The following CADM2 variants were observed in gnomAD, a reference collection of about 807,000 sequenced individuals.
CADM2 encodes immunoglobulin superfamily member 4D.
A neutral mutation model predicts 49.8 loss-of-function variants in CADM2; 12 were observed. The observed-to-expected ratio is 0.24, with a 90% CI of 0.15 to 0.39. CADM2 has a LOEUF of 0.39. Among genes scored for constraint, CADM2 ranks in the 10% least tolerant of loss-of-function variants. The pLI is 1.00. For missense variants in CADM2, 378 were observed against 492.3 expected, an observed-to-expected ratio of 0.77 and a Z score of 2.20; for synonymous variants, 214 against 175.4, an observed-to-expected ratio of 1.22 and a Z score of -1.74.
chr3:85,153,357 C>T (rs529394272), intron 1 of CADM2, among the ~76,000 whole-genome samples: 73 of 152,258 alleles, frequency 4.8e-4, no homozygotes, highest in African/African-American at 1.6e-3. Flanking sequence ...CACTGCCACC[C>T]GAATACTGCA....
At chr3:85,627,494 A>T (rs1170129211) in intron 1 of CADM2, among the ~76,000 whole-genome samples, 3 of 152,036 alleles carry the variant, frequency 2.0e-5, no homozygotes, top group Non-Finnish European at 4.4e-5. Flanking sequence ...TTAGATATTT[A>T]TATAAGGAAA....
chr3:85,768,258 G>T (rs991976235), intron 2 of CADM2, among the ~76,000 whole-genome samples: 6 of 151,750 alleles, frequency 4.0e-5, no homozygotes, highest in Non-Finnish European at 5.9e-5. Flanking sequence ...ACCAGCCTGG[G>T]CAACACAGTG....
intron 1 of CADM2, among the ~76,000 whole-genome samples, chr3:85,185,780 T>C (rs2041046702): frequency 6.6e-6 from 1 of 152,132 alleles, no homozygotes; most frequent in Non-Finnish European, 1.5e-5. Context: ...AAAATAAAAG[T>C]CTTTAATAAA....
intron 1 of CADM2, among the ~76,000 whole-genome samples, chr3:85,388,770 C>T (rs1350954177): frequency 6.6e-6 from 1 of 151,870 alleles, no homozygotes. Context: ...TGACAACCTA[C>T]CCACCTCCAC....
chr3:85,332,829 G>A (rs2044966887), intron 1 of CADM2, among the ~76,000 whole-genome samples: 1 of 150,316 alleles, frequency 6.7e-6, no homozygotes, highest in African/African-American at 2.5e-5. Context: ...TCAAAAATCT[G>A]TGAACAAGGC....
At chr3:85,234,965 T>C (rs1341279316) in intron 1 of CADM2, among the ~76,000 whole-genome samples, 1 of 151,942 alleles carries the variant, frequency 6.6e-6, no homozygotes, top group Non-Finnish European at 1.5e-5. Context: ...GGTGTGGTGG[T>C]CATGTTGGCA....
chr3:85,958,860 G>T (rs1724418627), intron 7 of CADM2, among the ~76,000 whole-genome samples: 2 of 151,724 alleles, frequency 1.3e-5, no homozygotes, highest in Non-Finnish European at 2.9e-5. Context: ...AGAACACATG[G>T]ACACAGGAAG....
At chr3:85,699,169 T>A (rs1037737800) in intron 1 of CADM2, among the ~76,000 whole-genome samples, 7 of 152,216 alleles carry the variant, frequency 4.6e-5, no homozygotes, top group Non-Finnish European at 8.8e-5. Flanking sequence ...GTGCAAGGGA[T>A]GGGCTCCCAA....
intron 1 of CADM2, among the ~76,000 whole-genome samples, chr3:85,107,608 T>C (rs1419777811): frequency 6.8e-6 from 1 of 147,978 alleles, no homozygotes; most frequent in East Asian, 1.9e-4. Context: ...TTTCTCTTTC[T>C]TTTTCTTTCT....
chr3:85,788,539 T>A (rs561598346), intron 2 of CADM2, among the ~76,000 whole-genome samples: 2 of 152,066 alleles, frequency 1.3e-5, no homozygotes, highest in Non-Finnish European at 2.9e-5. Context: ...ATTTAGATAA[T>A]AATCAATATA....
chr3:85,939,646 A>G (rs1267759008), intron 7 of CADM2, among the ~76,000 whole-genome samples: 1 of 151,740 alleles, frequency 6.6e-6, no homozygotes, highest in Non-Finnish European at 1.5e-5. Context: ...GTGATGCGAC[A>G]TTTTCAGTGA....
chr3:85,956,875 T>C (rs1724127880), intron 7 of CADM2, among the ~76,000 whole-genome samples: 2 of 151,624 alleles, frequency 1.3e-5, no homozygotes, highest in South Asian at 2.1e-4. Flanking sequence ...ATTTTGAGTA[T>C]ACGGAAGTGT....
intron 8 of CADM2, among the ~76,000 whole-genome samples, chr3:86,010,115 ACAGT>A (rs1323139187): frequency 2.6e-5 from 4 of 152,006 alleles, no homozygotes; most frequent in Non-Finnish European, 5.9e-5. Context: ...CATATTGATG[ACAGT>A]ATGAATTACA....
chr3:85,997,484 A>T (rs945851808), intron 8 of CADM2, among the ~76,000 whole-genome samples: 1 of 152,154 alleles, frequency 6.6e-6, no homozygotes, highest in Non-Finnish European at 1.5e-5. Flanking sequence ...GCCACAAATC[A>T]TTGATTTCTT....
chr3:86,012,916 A>C (rs377470019), intron 8 of CADM2: 34 of 611,898 alleles, frequency 5.6e-5, no homozygotes, highest in East Asian at 3.5e-4. Context: ...CGGAGCTTGC[A>C]GTGAGCCGAG....
At chr3:85,458,401 C>A (rs1012523824) in intron 1 of CADM2, among the ~76,000 whole-genome samples, 5 of 152,120 alleles carry the variant, frequency 3.3e-5, no homozygotes, top group African/African-American at 9.7e-5. Flanking sequence ...CAACAATAAG[C>A]CTTGGTTCAG....
At chr3:85,249,819 T>G (rs2042733859) in intron 1 of CADM2, among the ~76,000 whole-genome samples, 1 of 151,914 alleles carries the variant, frequency 6.6e-6, no homozygotes, top group South Asian at 2.1e-4. Context: ...TGAAAATTAT[T>G]AATGGATTAA....
At chr3:85,626,874 G>A (rs2064145595) in intron 1 of CADM2, among the ~76,000 whole-genome samples, 1 of 152,010 alleles carries the variant, frequency 6.6e-6, no homozygotes, top group Non-Finnish European at 1.5e-5. Context: ...TTCAATCAAT[G>A]AGGGGAGAAC....
intron 1 of CADM2, among the ~76,000 whole-genome samples, chr3:85,149,843 G>A (rs1303468331): frequency 1.3e-5 from 2 of 152,192 alleles, no homozygotes; most frequent in Non-Finnish European, 2.9e-5. Context: ...ACAATAATCT[G>A]AATCTGTGAA....
Sources: gnomAD v4.1 joint callset for allele counts (sites outside exome capture counted in the v4.1 genomes callset) on GRCh38, gnomAD v4.1.1 for gene constraint, MANE v1.5 for transcripts, NCBI Gene and HGNC (gene_info 2026-07-23, HGNC 2026-07-21) for gene names.